Variants in KATNAL1 observed in about 807,000 individuals in gnomAD.
The protein encoded by KATNAL1 is katanin catalytic subunit A1 like 1.
A neutral mutation model predicts 55.2 loss-of-function variants in KATNAL1; 32 were observed. The observed-to-expected ratio is 0.58, with a 90% confidence interval of 0.44 to 0.78. The LOEUF is 0.78. Ranked by LOEUF, KATNAL1 falls within the 30% of genes least tolerant of loss-of-function variation. KATNAL1 has a pLI of 0.00. For synonymous variants in KATNAL1, 193 were observed against 193.6 expected (o/e 1.00, Z 0.02); for missense variants, 466 against 600.9 (o/e 0.78, Z 2.35).
chr13:30,264,907 T>C (rs1214011704), intron 3 of KATNAL1, among the ~76,000 whole-genome samples: 11 of 140,144 alleles, frequency 7.8e-5, no homozygotes, highest in Admixed American at 1.5e-4. Context: ...CATGCTGCTA[T>C]AAAGACACAT....
At chr13:30,241,776 A>G (rs1274591324) in intron 4 of KATNAL1, among the ~76,000 whole-genome samples, 1 of 152,230 alleles carries the variant, frequency 6.6e-6, no homozygotes, top group African/African-American at 2.4e-5. Flanking sequence ...AACTTCTCCA[A>G]TCCCACTTCT....
chr13:30,254,924 CCAAT>C (rs777988796), intron 4 of KATNAL1, among the ~76,000 whole-genome samples: 3 of 152,080 alleles, frequency 2.0e-5, no homozygotes, highest in Non-Finnish European at 4.4e-5. Context: ...TGTTTATTCA[CCAAT>C]CAATTTCCTA....
At chr13:30,274,825 T>G (rs1880631406) in intron 3 of KATNAL1, among the ~76,000 whole-genome samples, 1 of 151,542 alleles carries the variant, frequency 6.6e-6, no homozygotes, top group Non-Finnish European at 1.5e-5. Flanking sequence ...TAAACATACA[T>G]TGACAGATGA....
At chr13:30,286,120 G>T (rs1191605005) in intron 1 of KATNAL1, among the ~76,000 whole-genome samples, 1 of 152,222 alleles carries the variant, frequency 6.6e-6, no homozygotes, top group Non-Finnish European at 1.5e-5. Context: ...TGTGTAGCCT[G>T]ACAATGCAAT....
chr13:30,267,873 A>G (rs1414579288), intron 3 of KATNAL1, among the ~76,000 whole-genome samples: 2 of 152,232 alleles, frequency 1.3e-5, no homozygotes, highest in Non-Finnish European at 2.9e-5. Context: ...TTATTGACAC[A>G]AGTGAGATCT....
At position 30,241,043 on chromosome 13, in the gene KATNAL1, G is replaced by C; in HGVS notation, c.536C>G (p.Pro179Arg). ...ATCATAACCAGCACCATCAAATTTT[G>C]GCATTTCACCATCACTTGCACCATC... ...MQDGASDGEM[P>R]KFDGAGYDKD... Residue 179 changes from proline to arginine, a missense_variant, in exon 5 of 11, where the codon CCA becomes CGA. This residue lies in a region of KATNAL1 where 248 missense variants were observed against 275.5 expected (regional missense o/e 0.90). Coordinates refer to ENST00000380615, the MANE Select transcript of KATNAL1 (RefSeq NM_032116.5). 6.2e-7 allele frequency: 1 copy of C among 1,613,406 alleles called. No individual in the cohort carries two copies. The highest frequency in any genetic ancestry group is 8.5e-7 in the Non-Finnish European group (1 of 1,179,782).
Position 30,258,234 on chromosome 13 carries a change from A to T in KATNAL1, c.324-2619T>A, listed in dbSNP as rs976616808. Among the ~76,000 whole-genome samples the T allele has an allele frequency of 2.0e-5, 3 of 152,352 alleles. No individual in the cohort carries two copies. In the South Asian group the frequency reaches 6.2e-4, roughly 32 times the overall value. On this transcript the variant is annotated intron_variant, in intron 3 of 10. Transcript: ENST00000380615. ...ATTCTCCTATTTGAGATTTCCCTAT[A>T]GGAATAAGAAATATGCCTTATTCTA...
chr13:30,208,557 C>A lies in KATNAL1; in HGVS notation c.1456G>T (p.Glu486Ter). 6.3e-7 allele frequency: 1 copy of A among 1,585,336 alleles called. No homozygotes were observed. Among genetic ancestry groups the A allele is most frequent in the Non-Finnish European group, 8.6e-7 (1 of 1,163,576 alleles). The stretch of plus-strand genomic sequence containing the variant: ...ACAGAAATTCAAGCAGATCCAAATT[C>A]AACCATCCATTTTTCATACTTCTCC... The part of the protein sequence containing the change: ...DLEKYEKWMV[E>*]FGSA The change falls in exon 11 of 11, where the codon GAA becomes TAA. Residue 486 changes from glutamate to a stop codon, truncating the protein, a stop_gained. Transcript: ENST00000380615. LOFTEE classifies it high-confidence loss of function.
At chr13:30,235,852 A>C (rs966554196) in intron 6 of KATNAL1, among the ~76,000 whole-genome samples, 3 of 152,174 alleles carry the variant, frequency 2.0e-5, no homozygotes, top group Non-Finnish European at 4.4e-5. Flanking sequence ...GATTCCCAAA[A>C]AAAAAAAATC....
chr13:30,218,161 T>C (rs1391921154), intron 9 of KATNAL1, among the ~76,000 whole-genome samples: 3 of 148,536 alleles, frequency 2.0e-5, no homozygotes, highest in South Asian at 2.1e-4. Context: ...TAGATGCAAA[T>C]AGACACAGAT....
At chr13:30,259,156 A>G (rs954664847) in intron 3 of KATNAL1, among the ~76,000 whole-genome samples, 1 of 152,232 alleles carries the variant, frequency 6.6e-6, no homozygotes, top group African/African-American at 2.4e-5. Context: ...CCATGCCAAC[A>G]TGGCGAAACC....
At chr13:30,263,837 G>A (rs1486022343) in intron 3 of KATNAL1, among the ~76,000 whole-genome samples, 1 of 144,444 alleles carries the variant, frequency 6.9e-6, no homozygotes, top group Non-Finnish European at 1.5e-5. Flanking sequence ...TCCCCATCAA[G>A]CTACCAATGA....
chr13:30,276,988 G>C (rs1216101667), intron 3 of KATNAL1, among the ~76,000 whole-genome samples: 1 of 152,158 alleles, frequency 6.6e-6, no homozygotes, highest in African/African-American at 2.4e-5. Flanking sequence ...GGGATCACTT[G>C]AGTTTTAAAT....
chr13:30,271,878 G>GAAAAAAAAAAAAAAAAAAAAAAAAAAAAA (rs71299873), intron 3 of KATNAL1, among the ~76,000 whole-genome samples: 3 of 76,792 alleles, frequency 3.9e-5, no homozygotes, highest in Non-Finnish European at 7.4e-5. Flanking sequence ...AAGAAAAGAG[G>GAAAAAAAAAAAAAAAAAAAAAAAAAAAAA]AAAAAAAAAA....
chr13:30,237,065 GT>G (rs1876760205), intron 6 of KATNAL1, among the ~76,000 whole-genome samples: 1 of 152,108 alleles, frequency 6.6e-6, no homozygotes, highest in African/African-American at 2.4e-5. Context: ...TCAGACACTA[GT>G]CACACTGTCC....
intron 1 of KATNAL1, among the ~76,000 whole-genome samples, chr13:30,302,044 G>C (rs775402063): frequency 6.6e-5 from 10 of 152,130 alleles, no homozygotes; most frequent in Non-Finnish European, 1.5e-4. Context: ...GCTAATTTTT[G>C]TATTTTTTGC....
intron 3 of KATNAL1, among the ~76,000 whole-genome samples, chr13:30,268,340 T>C (rs947781797): frequency 3.3e-5 from 5 of 152,178 alleles, no homozygotes; most frequent in Non-Finnish European, 1.5e-5. Context: ...TCTCAATAAC[T>C]TTGATAAGAG....
chr13:30,260,262 A>C (rs1879161624), intron 3 of KATNAL1, among the ~76,000 whole-genome samples: 1 of 152,182 alleles, frequency 6.6e-6, no homozygotes, highest in Non-Finnish European at 1.5e-5. Flanking sequence ...TAAAACCACA[A>C]AGATGGGGAA....
intron 3 of KATNAL1, among the ~76,000 whole-genome samples, chr13:30,271,254 G>A (rs1566120019): frequency 6.6e-6 from 1 of 152,226 alleles, no homozygotes; most frequent in East Asian, 1.9e-4. Context: ...ATGAGGGACA[G>A]GTTGAATGAT....
Sources: allele counts gnomAD v4.1 joint callset (sites outside exome capture counted in the v4.1 genomes callset), GRCh38; gene constraint gnomAD v4.1.1; regional missense constraint gnomAD v4.1.1; transcripts MANE v1.5; gene names NCBI Gene and HGNC (gene_info 2026-07-23, HGNC 2026-07-21).